IMMP2L: variants seen among roughly 807,000 people sequenced by gnomAD.
The protein encoded by IMMP2L is mitochondrial inner membrane protease subunit 2.
IMMP2L carries 18 observed loss-of-function variants against 19.3 expected under a neutral mutation model. That is an observed-to-expected ratio of 0.93 (90% CI 0.64 to 1.38). The LOEUF (loss-of-function observed/expected upper bound fraction) is 1.38. Ranked by LOEUF, IMMP2L falls within the 40% of genes most tolerant of loss-of-function variation. The pLI is 0.00. For missense variants in IMMP2L, 233 were observed against 218.2 expected, an observed-to-expected ratio of 1.07 and a Z score of -0.43; for synonymous variants, 76 against 73.0, an observed-to-expected ratio of 1.04 and a Z score of -0.21.
At chr7:111,313,632 T>C (rs779483416) in intron 3 of IMMP2L, among the ~76,000 whole-genome samples, 2 of 152,174 alleles carry the variant, frequency 1.3e-5, no homozygotes, top group Non-Finnish European at 2.9e-5. Context: ...CCTGACATTG[T>C]GACAAATCCC....
chr7:111,081,596 C>T (rs1001245170), intron 3 of IMMP2L, among the ~76,000 whole-genome samples: 1 of 152,184 alleles, frequency 6.6e-6, no homozygotes, highest in African/African-American at 2.4e-5. Flanking sequence ...AAGACACTAA[C>T]TGCTATGACA....
chr7:111,204,085 T>A lies in IMMP2L; in HGVS notation c.240-240520A>T, dbSNP rs145092958. Among the ~76,000 whole-genome samples, 556 of 152,322 alleles carry A rather than the reference T, an allele frequency of 3.7e-3. 4 individuals are homozygous for A. The highest frequency in any genetic ancestry group is 0.012 in the African/African-American group (506 of 41,564). On this transcript the variant is annotated intron_variant, in intron 3 of 5. Transcript: ENST00000405709. ...TCAAAAAATATTCTTTTACCTTTTATAGTATCTACATTTTAAAATATTATT... is the reference window on the plus strand; with the variant it reads ...TCAAAAAATATTCTTTTACCTTTTAAAGTATCTACATTTTAAAATATTATT...
chr7:111,477,581 G>A (rs1841826506), intron 3 of IMMP2L, among the ~76,000 whole-genome samples: 1 of 151,854 alleles, frequency 6.6e-6, no homozygotes, highest in African/African-American at 2.4e-5. Context: ...TTGCTTCTTT[G>A]AAGGAAATGT....
At position 111,430,514 on chromosome 7, in the gene IMMP2L, G is replaced by A. The variant is rs185951130; in HGVS notation, c.239+56724C>T. On this transcript the variant is annotated intron_variant, in intron 3 of 5. Coordinates refer to ENST00000405709, the MANE Select transcript of IMMP2L (RefSeq NM_032549.4). ...ATATAATCCTGTTAGCCTAAAAAGA[G>A]ATAAATAATTATAAATAAAATTATT... is the stretch of plus-strand genomic sequence containing the variant. Among the ~76,000 whole-genome samples, 114 of 151,648 alleles carry A rather than the reference G, an allele frequency of 7.5e-4. 1 individual carries two copies. Among genetic ancestry groups the A allele is most frequent in the African/African-American group, 2.7e-3 (110 of 41,194 alleles).
At chr7:111,385,416 A>C (rs538029014) in intron 3 of IMMP2L, among the ~76,000 whole-genome samples, 46 of 152,222 alleles carry the variant, frequency 3.0e-4, no homozygotes, top group African/African-American at 1.1e-3. Flanking sequence ...GGCACATTAG[A>C]AAAGTGGTTC....
At chr7:111,294,627 T>G (rs1821439394) in intron 3 of IMMP2L, among the ~76,000 whole-genome samples, 1 of 151,806 alleles carries the variant, frequency 6.6e-6, no homozygotes, top group African/African-American at 2.4e-5. Flanking sequence ...TGTCAATGAC[T>G]CACAATGATT....
intron 1 of IMMP2L, among the ~76,000 whole-genome samples, chr7:111,538,477 C>T (rs1180103798): frequency 6.6e-6 from 1 of 151,744 alleles, no homozygotes; most frequent in African/African-American, 2.4e-5. Flanking sequence ...AGAAATTATA[C>T]TTATGCTGTA....
chr7:110,772,961 T>C (rs1218802024), intron 5 of IMMP2L, among the ~76,000 whole-genome samples: 1 of 152,004 alleles, frequency 6.6e-6, no homozygotes, highest in African/African-American at 2.4e-5. Context: ...CTTTTTTTTT[T>C]CCCTTTGTCC....
At chr7:110,745,214 A>C (rs1797254488) in intron 5 of IMMP2L, among the ~76,000 whole-genome samples, 1 of 152,224 alleles carries the variant, frequency 6.6e-6, no homozygotes, top group Non-Finnish European at 1.5e-5. Context: ...CAAGATTGAA[A>C]AGAAATGAAC....
intron 3 of IMMP2L, among the ~76,000 whole-genome samples, chr7:110,995,451 T>C (rs1004666962): frequency 6.6e-6 from 1 of 152,182 alleles, no homozygotes. Context: ...AGCAAGAGGC[T>C]ATCGAAGTGA....
chr7:111,001,810 T>C (rs538752764), intron 3 of IMMP2L, among the ~76,000 whole-genome samples: 4 of 152,274 alleles, frequency 2.6e-5, no homozygotes, highest in African/African-American at 9.6e-5. Context: ...TCTGATATCA[T>C]TCTCAAAAGC....
Position 110,963,505 on chromosome 7 carries a change from A to G in IMMP2L, c.300T>C (p.Ile100=). ...AAACAACAGTAAATACTTACCTGAC[A>G]ATATCTCCTTCAAGAGCAATCACTC... ...IKRVIALEGD[I]VRTIGHKNRY... Residue 100 remains isoleucine (I), a synonymous_variant, in exon 4 of 6, where the codon ATT becomes ATC. Coordinates refer to ENST00000405709, the MANE Select transcript of IMMP2L (RefSeq NM_032549.4). 1 of 1,595,810 alleles carries G rather than the reference A, an allele frequency of 6.3e-7. No individual in the cohort carries two copies. The highest frequency in any genetic ancestry group is 1.1e-5 in the South Asian group (1 of 89,880).
intron 3 of IMMP2L, among the ~76,000 whole-genome samples, chr7:111,073,380 A>G (rs914990911): frequency 2.0e-5 from 3 of 152,168 alleles, no homozygotes; most frequent in African/African-American, 7.2e-5. Context: ...TTGGGGGTTC[A>G]TTGTGCTATT....
intron 3 of IMMP2L, among the ~76,000 whole-genome samples, chr7:111,182,223 A>T (rs1807790321): frequency 1.3e-5 from 2 of 152,000 alleles, no homozygotes; most frequent in African/African-American, 4.8e-5. Flanking sequence ...CAGTATGCTC[A>T]GTGGAACTCT....
chr7:111,170,236 C>T (rs942741304), intron 3 of IMMP2L, among the ~76,000 whole-genome samples: 5 of 151,730 alleles, frequency 3.3e-5, no homozygotes, highest in African/African-American at 7.3e-5. Flanking sequence ...ATTATTTTTT[C>T]TCCCCTAAGG....
intron 5 of IMMP2L, among the ~76,000 whole-genome samples, chr7:110,763,323 C>T (rs1319390831): frequency 2.0e-5 from 3 of 152,078 alleles, no homozygotes; most frequent in African/African-American, 2.4e-5. Flanking sequence ...ACTTTCAACC[C>T]TGACGACACA....
intron 5 of IMMP2L, among the ~76,000 whole-genome samples, chr7:110,694,564 G>A (rs1001102240): frequency 2.0e-5 from 3 of 152,098 alleles, no homozygotes; most frequent in African/African-American, 7.2e-5. Context: ...AATTATTAAG[G>A]CTTTCTGAGA....
At chr7:110,714,948 T>A (rs1234590516) in intron 5 of IMMP2L, among the ~76,000 whole-genome samples, 1 of 152,158 alleles carries the variant, frequency 6.6e-6, no homozygotes, top group African/African-American at 2.4e-5. Context: ...ATTTTGGAAC[T>A]TGATATTGGT....
intron 3 of IMMP2L, among the ~76,000 whole-genome samples, chr7:111,279,706 ATAT>A (rs1563001799): frequency 4.6e-5 from 7 of 152,142 alleles, no homozygotes; most frequent in Admixed American, 4.6e-4. Flanking sequence ...TTTAATTACT[ATAT>A]TATAACCTCT....
Sources: gnomAD v4.1 joint callset for allele counts (sites outside exome capture counted in the v4.1 genomes callset) on GRCh38, gnomAD v4.1.1 for gene constraint, MANE v1.5 for transcripts, NCBI Gene and HGNC (gene_info 2026-07-23, HGNC 2026-07-21) for gene names.